The following AK5 variants were observed in gnomAD, a reference collection of about 807,000 sequenced individuals.
The protein encoded by AK5 is adenylate kinase isoenzyme 5.
AK5 carries 27 observed loss-of-function variants against 69.5 expected under a neutral mutation model. That is an observed-to-expected ratio of 0.39 (90% CI 0.29 to 0.54). AK5 has a LOEUF of 0.54. Ranked by LOEUF, AK5 falls within the 20% of genes least tolerant of loss-of-function variation. The pLI, the probability that AK5 is intolerant of heterozygous loss-of-function variation, is 0.71. For synonymous variants in AK5, 260 were observed against 244.4 expected (o/e 1.06, Z -0.60); for missense variants, 531 against 700.4 (o/e 0.76, Z 2.73).
intron 6 of AK5, among the ~76,000 whole-genome samples, chr1:77,408,835 T>G (rs919386955): frequency 2.0e-5 from 3 of 152,208 alleles, no homozygotes; most frequent in Non-Finnish European, 2.9e-5. Context: ...CATTGGGGTT[T>G]GTTATACATA....
intron 13 of AK5, among the ~76,000 whole-genome samples, chr1:77,548,321 T>C (rs1659642786): frequency 6.6e-6 from 1 of 152,182 alleles, no homozygotes; most frequent in Non-Finnish European, 1.5e-5. Context: ...ATATGTGAAC[T>C]GGATGACCCC....
At chr1:77,521,792 G>T (rs1260242468) in intron 11 of AK5, 35 bp from the exon 12 acceptor site, 5 of 1,516,012 alleles carry the variant, frequency 3.3e-6, no homozygotes, top group Non-Finnish European at 4.6e-6. Flanking sequence ...TTCTGTGAAA[G>T]AGCTCAGGTC....
intron 8 of AK5, among the ~76,000 whole-genome samples, chr1:77,426,111 G>A (rs1168014286): frequency 6.6e-6 from 1 of 152,070 alleles, no homozygotes; most frequent in East Asian, 1.9e-4. Context: ...AACAAATATG[G>A]TATATATTAA....
At chr1:77,509,690 G>A (rs1657231988) in intron 10 of AK5, among the ~76,000 whole-genome samples, 1 of 152,170 alleles carries the variant, frequency 6.6e-6, no homozygotes, top group African/African-American at 2.4e-5. Flanking sequence ...ATTTGCAAAA[G>A]ATATTTGATC....
chr1:77,349,323 C>T (rs1216300203), intron 6 of AK5: 1 of 152,130 alleles, frequency 6.6e-6, no homozygotes, highest in Non-Finnish European at 1.5e-5. Context: ...GAAAATGTTT[C>T]ACATACGATA....
At chr1:77,417,772 A>C in intron 8 of AK5, 57 bp downstream of exon 8, 1 of 1,093,326 alleles carries the variant, frequency 9.1e-7, no homozygotes. Flanking sequence ...GAACCTTTGT[A>C]AATGTTTTAT....
chr1:77,292,122 G>A (rs1433570274), intron 2 of AK5, among the ~76,000 whole-genome samples: 2 of 152,214 alleles, frequency 1.3e-5, no homozygotes, highest in Non-Finnish European at 2.9e-5. Flanking sequence ...AGAAGCATAT[G>A]CATTTGGTAT....
intron 10 of AK5, among the ~76,000 whole-genome samples, chr1:77,516,233 T>G (rs3104463): frequency 0.023 from 3,441 of 152,312 alleles, 101 homozygotes; most frequent in African/African-American, 0.079. Context: ...AAATACTGCA[T>G]GATCTCACGT....
intron 6 of AK5, among the ~76,000 whole-genome samples, chr1:77,383,427 A>G (rs1434049720): frequency 6.6e-6 from 1 of 152,188 alleles, no homozygotes; most frequent in Non-Finnish European, 1.5e-5. Context: ...ATCCAGGGTA[A>G]TAAACTGAAA....
chr1:77,447,528 G>C (rs1034510900), intron 8 of AK5, among the ~76,000 whole-genome samples: 8 of 152,064 alleles, frequency 5.3e-5, no homozygotes, highest in Admixed American at 3.3e-4. Flanking sequence ...ACATATGAAG[G>C]ACTGATCAGT....
chr1:77,550,888 C>T (rs556603368), intron 13 of AK5, among the ~76,000 whole-genome samples: 1 of 152,264 alleles, frequency 6.6e-6, no homozygotes, highest in East Asian at 1.9e-4. Context: ...CTTAAAAATA[C>T]ACTTCAGGCC....
intron 5 of AK5, among the ~76,000 whole-genome samples, chr1:77,331,250 A>G (rs1661072934): frequency 6.6e-6 from 1 of 152,012 alleles, no homozygotes; most frequent in Non-Finnish European, 1.5e-5. Flanking sequence ...CTCTATTACA[A>G]TGTTAACTAG....
intron 6 of AK5, among the ~76,000 whole-genome samples, chr1:77,382,227 ATTT>A (rs11306378): frequency 0.075 from 10,220 of 136,886 alleles, 329 homozygotes; most frequent in Middle Eastern, 0.1. Flanking sequence ...TAATCTTTTA[ATTT>A]TTTTTTTTTT....
chr1:77,547,046 G>A (rs1385901689), intron 13 of AK5, among the ~76,000 whole-genome samples: 1 of 152,164 alleles, frequency 6.6e-6, no homozygotes, highest in Non-Finnish European at 1.5e-5. Context: ...GAAGGGCTTT[G>A]AATCCATTCA....
At chr1:77,489,998 A>G (rs1655877464) in intron 10 of AK5, among the ~76,000 whole-genome samples, 1 of 152,132 alleles carries the variant, frequency 6.6e-6, no homozygotes, top group African/African-American at 2.4e-5. Flanking sequence ...TGTAATCACC[A>G]TCCTTCCTCC....
intron 8 of AK5, among the ~76,000 whole-genome samples, chr1:77,444,913 G>C (rs1652652914): frequency 6.6e-6 from 1 of 151,684 alleles, no homozygotes; most frequent in Admixed American, 6.6e-5. Context: ...CCACATATAA[G>C]TGAGAGATCA....
chr1:77,364,584 A>G (rs1005413461), intron 6 of AK5, among the ~76,000 whole-genome samples: 1 of 152,078 alleles, frequency 6.6e-6, no homozygotes, highest in African/African-American at 2.4e-5. Flanking sequence ...TGTGAGATCA[A>G]CTTTTTCAGC....
intron 5 of AK5, among the ~76,000 whole-genome samples, chr1:77,305,325 A>G (rs569846150): frequency 2.0e-5 from 3 of 152,094 alleles, no homozygotes; most frequent in Admixed American, 6.5e-5. Flanking sequence ...GCTGTGCAAA[A>G]GCTTTTAAAT....
chr1:77,329,423 G>T (rs959173501), intron 5 of AK5, among the ~76,000 whole-genome samples: 1 of 152,008 alleles, frequency 6.6e-6, no homozygotes, highest in Non-Finnish European at 1.5e-5. Flanking sequence ...AAGCAGAATG[G>T]AGCCCATAAA....
Sources: gnomAD v4.1 joint callset for allele counts (sites outside exome capture counted in the v4.1 genomes callset) on GRCh38, gnomAD v4.1.1 for gene constraint, MANE v1.5 for transcripts, NCBI Gene and HGNC (gene_info 2026-07-23, HGNC 2026-07-21) for gene names.